DYSF: variants seen among roughly 807,000 people sequenced by gnomAD.
DYSF encodes dystrophy-associated fer-1-like 1.
Under a neutral mutation model 274.9 loss-of-function variants are expected in DYSF, and 212 were observed. That is an observed-to-expected ratio of 0.77 (90% confidence interval 0.69 to 0.86). The LOEUF (loss-of-function observed/expected upper bound fraction) is 0.86, where lower values mean the gene tolerates loss of function less well. Among genes scored for constraint, DYSF ranks in the 40% least tolerant of loss-of-function variants. The pLI is 0.00. For synonymous variants in DYSF, 1,091 were observed against 1,078.7 expected (o/e 1.01, Z -0.22); for missense variants, 2,666 against 2,783.2 (o/e 0.96, Z 0.95).
intron 30 of DYSF, among the ~76,000 whole-genome samples, chr2:71,584,502 C>A (rs1014046752): frequency 6.6e-6 from 1 of 152,148 alleles, no homozygotes; most frequent in Non-Finnish European, 1.5e-5. Context: ...ATAGTAACAT[C>A]AGACCCGACT....
At chr2:71,523,753 G>A (rs530943482) in intron 12 of DYSF, among the ~76,000 whole-genome samples, 1 of 151,980 alleles carries the variant, frequency 6.6e-6, no homozygotes, top group Non-Finnish European at 1.5e-5. Context: ...CACCATGTTG[G>A]TCAGGCTGGT....
intron 22 of DYSF, among the ~76,000 whole-genome samples, chr2:71,557,950 T>G (rs1037632940): frequency 3.3e-5 from 5 of 151,820 alleles, no homozygotes; most frequent in African/African-American, 4.8e-5. Context: ...CAGAATTGCT[T>G]GAACCCAGGA....
At chr2:71,588,157 A>G (rs1213545267) in intron 30 of DYSF, among the ~76,000 whole-genome samples, 2 of 152,160 alleles carry the variant, frequency 1.3e-5, no homozygotes, top group Non-Finnish European at 2.9e-5. Context: ...GCCTGAAGCC[A>G]AGGGCCGGGT....
intron 30 of DYSF, among the ~76,000 whole-genome samples, chr2:71,588,069 C>T (rs938037705): frequency 3.3e-5 from 5 of 152,148 alleles, no homozygotes; most frequent in Admixed American, 2.0e-4. Context: ...GGATGGTTGA[C>T]GGCACCTCTG....
chr2:71,507,984 A>G (rs1163565680), intron 4 of DYSF, among the ~76,000 whole-genome samples: 2 of 152,076 alleles, frequency 1.3e-5, no homozygotes, highest in Non-Finnish European at 2.9e-5. Flanking sequence ...GGGGCTCTGC[A>G]TTTTCATTTG....
chr2:71,539,056 C>T (rs1468339740), intron 16 of DYSF, 101 bp from the exon 17 acceptor site: 9 of 1,020,466 alleles, frequency 8.8e-6, no homozygotes, highest in Non-Finnish European at 9.3e-6. Flanking sequence ...GCCTGCCCCC[C>T]GCCCCCCTGT....
chr2:71,686,284 G>T (rs1373964062), intron 55 of DYSF, among the ~76,000 whole-genome samples, 170 bp from the exon 56 acceptor site: 1 of 152,194 alleles, frequency 6.6e-6, no homozygotes, highest in Non-Finnish European at 1.5e-5. Context: ...ATGGCAAGTG[G>T]TGAGGGCGAG....
At chr2:71,526,887 C>G (rs1028233191) in intron 13 of DYSF, among the ~76,000 whole-genome samples, 59 of 152,272 alleles carry the variant, frequency 3.9e-4, no homozygotes, top group African/African-American at 1.4e-3. Flanking sequence ...TCCAGGAAAC[C>G]CTGCAGTCTC....
rs760585799 is a variant in DYSF at position 71,517,038 on chromosome 2, G to C, written c.1001G>C (p.Arg334Pro). The change falls in exon 10 of 56, where the codon CGG (arginine) becomes CCG (proline). Residue 334 changes from arginine (R) to proline (P), a missense_variant and splice_region_variant. Coordinates refer to ENST00000410020, the MANE Select transcript of DYSF (RefSeq NM_001130987.2). The part of the protein sequence containing the change: ...LRTDALLGEF[R>P]MDVGTIYREP... ...ACAGATGCTCTCCTCGGGGAGTTCC[G>C]GGTAATTGCTTATTTTCTATGAAAG... 1 of 1,614,032 alleles carries C rather than the reference G, an allele frequency of 6.2e-7. No individual in the cohort carries two copies.
At position 71,679,234 on chromosome 2, in the gene DYSF, CG is replaced by C; in HGVS notation, c.6063+1del. ...GAAGAGGGTGAGAAGAAAATACTGG[CG>C]GTAAGTCTACTTCCTCCAGCCCCAG... ...VAEEGEKKIL[A>X]GKLEMTLEIV... On this transcript the variant is annotated frameshift_variant and splice_region_variant, in exon 53 of 56. Transcript: ENST00000410020. LOFTEE classifies it high-confidence loss of function. 6.2e-7 allele frequency: 1 copy of C among 1,613,792 alleles called. No homozygotes were observed. The highest frequency in any genetic ancestry group is 8.5e-7 in the Non-Finnish European group (1 of 1,179,840).
chr2:71,466,367 C>T (rs1460562195), upstream of DYSF, among the ~76,000 whole-genome samples: 2 of 152,210 alleles, frequency 1.3e-5, no homozygotes, highest in Admixed American at 6.5e-5. Flanking sequence ...GTCGAGCGCA[C>T]AGGGCGGCTG....
intron 30 of DYSF, among the ~76,000 whole-genome samples, chr2:71,581,212 G>T (rs1016210656): frequency 6.6e-6 from 1 of 152,190 alleles, no homozygotes; most frequent in African/African-American, 2.4e-5. Context: ...AAGCACACAC[G>T]CATACACGCT....
intron 30 of DYSF, 52 bp from the exon 31 acceptor site, chr2:71,589,541 C>A (rs1237067013): frequency 1.3e-6 from 2 of 1,491,832 alleles, no homozygotes; most frequent in East Asian, 2.3e-5. Context: ...AGTCTCCCTG[C>A]CACCCCCAGG....
At chr2:71,624,147 T>A (rs1478150091) in intron 41 of DYSF, among the ~76,000 whole-genome samples, 1 of 152,188 alleles carries the variant, frequency 6.6e-6, no homozygotes, top group African/African-American at 2.4e-5. Flanking sequence ...ATATTCAAAT[T>A]CTATGTGTTT....
rs539970267 is a variant in DYSF, at chr2:71,656,259, C to T, written c.4724C>T (p.Thr1575Ile). Reference protein sequence around the residue: ...KLYRGKTQEETEDPSVIGEFK... With the variant: ...KLYRGKTQEEIEDPSVIGEFK... ...TACCGGGGCAAGACGCAGGAGGAGACAGAAGATCCATCTGTGATTGGTGAA... is the reference window on the plus strand; with the variant it reads ...TACCGGGGCAAGACGCAGGAGGAGATAGAAGATCCATCTGTGATTGGTGAA... Residue 1575 changes from threonine to isoleucine, a missense_variant, in exon 43 of 56, where the codon ACA (threonine) becomes ATA (isoleucine). Around this residue, in one of 3 missense-constraint regions of DYSF, gnomAD observed 1,460 missense variants for 1,502.1 expected, o/e 0.97. Transcript: ENST00000410020. 6 of 1,614,204 alleles carry T rather than the reference C, an allele frequency of 3.7e-6. No individual in the cohort carries two copies. Among genetic ancestry groups the T allele is most frequent in the Non-Finnish European group, 5.1e-6 (6 of 1,180,044 alleles).
At chr2:71,641,425 C>T (rs150073087) in intron 41 of DYSF, among the ~76,000 whole-genome samples, 108 of 152,090 alleles carry the variant, frequency 7.1e-4, no homozygotes, top group East Asian at 4.8e-3. Context: ...GTGATCCACC[C>T]GCCTCGGCCT....
intron 25 of DYSF, 39 bp from the exon 26 acceptor site, chr2:71,568,133 T>A: frequency 1.9e-6 from 3 of 1,614,222 alleles, no homozygotes; most frequent in Non-Finnish European, 2.5e-6. Context: ...GGAGCTGCCT[T>A]GGCCCCCTGC....
chr2:71,609,266 C>A (rs1332518476), intron 36 of DYSF, among the ~76,000 whole-genome samples: 2 of 152,246 alleles, frequency 1.3e-5, no homozygotes, highest in Non-Finnish European at 2.9e-5. Flanking sequence ...ATCACCCCTG[C>A]TTATCAGACG....
At chr2:71,681,256 A>G in intron 54 of DYSF, 146 bp downstream of exon 54, 1 of 742,756 alleles carries the variant, frequency 1.3e-6, no homozygotes, top group Non-Finnish European at 2.4e-6. Context: ...GCCACACAGT[A>G]AGTTAGGGGG....
Sources: allele counts gnomAD v4.1 joint callset (sites outside exome capture counted in the v4.1 genomes callset), GRCh38; gene constraint gnomAD v4.1.1; regional missense constraint gnomAD v4.1.1; transcripts MANE v1.5; gene names NCBI Gene and HGNC (gene_info 2026-07-23, HGNC 2026-07-21).